The following FRMD4A variants were observed in gnomAD, a reference collection of about 807,000 sequenced individuals.
FRMD4A encodes the protein FERM domain containing 4A.
Under a neutral mutation model 129.1 loss-of-function variants are expected in FRMD4A, and 29 were observed. The ratio of observed to expected loss-of-function variants is 0.22; its 90% confidence interval spans 0.17 to 0.31. The LOEUF (loss-of-function observed/expected upper bound fraction) is 0.31. Among genes scored for constraint, FRMD4A ranks in the 10% least tolerant of loss-of-function variants. The pLI is 1.00. For synonymous variants in FRMD4A, 634 were observed against 571.6 expected (o/e 1.11, Z -1.56); for missense variants, 1,272 against 1,375.8 (o/e 0.92, Z 1.19).
intron 2 of FRMD4A, among the ~76,000 whole-genome samples, chr10:14,226,117 A>T (rs1388640460): frequency 8.5e-5 from 13 of 152,096 alleles, no homozygotes; most frequent in Admixed American, 3.3e-4. Flanking sequence ...TGTTTTTTTT[A>T]AATTTTAAAA....
intron 6 of FRMD4A, among the ~76,000 whole-genome samples, chr10:13,769,620 C>A (rs944435929): frequency 1.3e-5 from 2 of 152,050 alleles, no homozygotes; most frequent in African/African-American, 4.8e-5. Context: ...CCGAGTTGCC[C>A]AGATTAAACA....
At chr10:13,714,012 C>CAT (rs1299514309) in intron 12 of FRMD4A, among the ~76,000 whole-genome samples, 90 of 4,706 alleles carry the variant, frequency 0.019, 33 homozygotes, top group African/African-American at 0.028. Context: ...ATATAATATA[C>CAT]ATATATAAAA....
At chr10:14,316,499 T>C (rs1407732770) in intron 2 of FRMD4A, among the ~76,000 whole-genome samples, 1 of 102,506 alleles carries the variant, frequency 9.8e-6, no homozygotes, top group African/African-American at 3.9e-5. Flanking sequence ...TAGTATTTTG[T>C]GATAGCAGCA....
chr10:13,842,334 C>A (rs1564894685), intron 3 of FRMD4A, among the ~76,000 whole-genome samples: 6 of 152,160 alleles, frequency 3.9e-5, no homozygotes. Context: ...GGAAACAGAT[C>A]ATGAACTTTT....
At chr10:13,948,615 A>G (rs2095349610) in intron 2 of FRMD4A, among the ~76,000 whole-genome samples, 1 of 149,506 alleles carries the variant, frequency 6.7e-6, no homozygotes, top group African/African-American at 2.5e-5. Context: ...GGTGGTGGGG[A>G]TGAGGAGAAT....
At chr10:14,238,929 A>G (rs1843930531) in intron 2 of FRMD4A, among the ~76,000 whole-genome samples, 1 of 152,166 alleles carries the variant, frequency 6.6e-6, no homozygotes, top group Admixed American at 6.5e-5. Context: ...TATCTAGTCT[A>G]TCATTGATGG....
chr10:14,175,431 C>T (rs952199860), intron 2 of FRMD4A, among the ~76,000 whole-genome samples: 1 of 151,988 alleles, frequency 6.6e-6, no homozygotes, highest in African/African-American at 2.4e-5. Flanking sequence ...CTTCTCCTCC[C>T]GTTCACACAT....
intron 2 of FRMD4A, among the ~76,000 whole-genome samples, chr10:14,013,396 G>A (rs2095688411): frequency 6.6e-6 from 1 of 152,166 alleles, no homozygotes; most frequent in Admixed American, 6.5e-5. Context: ...GGGTGTCTGA[G>A]AAGCAGGTTT....
chr10:13,697,938 T>C (rs2086385996), intron 14 of FRMD4A, among the ~76,000 whole-genome samples: 1 of 152,192 alleles, frequency 6.6e-6, no homozygotes, highest in Admixed American at 6.5e-5. Flanking sequence ...TTCTGATCTC[T>C]GGGGTCAGCA....
intron 24 of FRMD4A, among the ~76,000 whole-genome samples, chr10:13,650,586 T>G (rs74121356): frequency 0.048 from 7,329 of 152,240 alleles, 498 homozygotes; most frequent in African/African-American, 0.15. Flanking sequence ...CCATTCTTCC[T>G]ACTTCAAAAA....
chr10:13,897,932 G>A (rs1473268498), intron 2 of FRMD4A, among the ~76,000 whole-genome samples: 4 of 62,706 alleles, frequency 6.4e-5, no homozygotes, highest in African/African-American at 1.3e-4. Context: ...CAGAGACTCC[G>A]ACTCAAAAAA....
intron 2 of FRMD4A, among the ~76,000 whole-genome samples, chr10:14,180,796 C>T (rs534790819): frequency 3.9e-5 from 6 of 152,194 alleles, no homozygotes; most frequent in Admixed American, 6.5e-5. Flanking sequence ...CTCACCCATG[C>T]GCAGTGATGG....
intron 3 of FRMD4A, among the ~76,000 whole-genome samples, chr10:13,832,045 C>A (rs1164704282): frequency 6.6e-6 from 1 of 152,088 alleles, no homozygotes; most frequent in African/African-American, 2.4e-5. Flanking sequence ...AAAATGAAAA[C>A]CCTGGCCTGG....
intron 2 of FRMD4A, among the ~76,000 whole-genome samples, chr10:14,161,155 T>C (rs909459496): frequency 1.3e-5 from 2 of 152,052 alleles, no homozygotes; most frequent in Non-Finnish European, 2.9e-5. Flanking sequence ...AGGGTTTCAC[T>C]GTGTTGGCCA....
At chr10:14,058,218 C>T (rs1055982634) in intron 2 of FRMD4A, among the ~76,000 whole-genome samples, 5 of 152,146 alleles carry the variant, frequency 3.3e-5, no homozygotes, top group Non-Finnish European at 7.3e-5. Flanking sequence ...GGGATTTGGG[C>T]TATCTTTATA....
At chr10:14,134,953 C>A (rs1207282175) in intron 2 of FRMD4A, among the ~76,000 whole-genome samples, 1 of 152,140 alleles carries the variant, frequency 6.6e-6, no homozygotes, top group Admixed American at 6.6e-5. Flanking sequence ...GAATAAAATG[C>A]CCTTCTCAAT....
At chr10:13,777,917 G>C (rs1038366072) in intron 6 of FRMD4A, among the ~76,000 whole-genome samples, 3 of 149,590 alleles carry the variant, frequency 2.0e-5, no homozygotes, top group African/African-American at 4.9e-5. Flanking sequence ...ATTCTCCTGA[G>C]TGAGCCTCCC....
rs1219751975 is a variant in FRMD4A at position 13,714,039 on chromosome 10, T to TA, written c.760-6927dup. Among the ~76,000 whole-genome samples, 2 of 2,428 alleles carry TA rather than the reference T, an allele frequency of 8.2e-4. 1 individual carries two copies. The highest frequency in any genetic ancestry group is 0.059 in the East Asian group (2 of 34). 1.6% of individuals were successfully genotyped at this position (2,428 alleles called of 152,430 possible). A position where few individuals can be genotyped will look rare whatever the true frequency, so the allele number is the denominator to read the frequency against. ...TATATAAAATATACATATATATATA[T>TA]ATATATATATATATATATATAAAAT... On this transcript the variant is annotated intron_variant, in intron 12 of 24. Coordinates refer to ENST00000357447, the MANE Select transcript of FRMD4A (RefSeq NM_018027.5).
intron 8 of FRMD4A, among the ~76,000 whole-genome samples, chr10:13,754,656 A>G (rs1017668404): frequency 2.6e-5 from 4 of 151,998 alleles, no homozygotes; most frequent in African/African-American, 9.7e-5. Context: ...TCTTCCCACA[A>G]AAACTCTTCT....
Sources: gnomAD v4.1 joint callset for allele counts (sites outside exome capture counted in the v4.1 genomes callset) on GRCh38, gnomAD v4.1.1 for gene constraint, MANE v1.5 for transcripts, NCBI Gene and HGNC (gene_info 2026-07-23, HGNC 2026-07-21) for gene names.